The following JAKMIP1 variants were observed in gnomAD, a reference collection of about 807,000 sequenced individuals.
JAKMIP1 encodes the protein janus kinase and microtubule-interacting protein 1.
Under a neutral mutation model 113.0 loss-of-function variants are expected in JAKMIP1, and 33 were observed. That is an observed-to-expected ratio of 0.29 (90% CI 0.22 to 0.39). The LOEUF (loss-of-function observed/expected upper bound fraction) is 0.39, where lower values mean the gene tolerates loss of function less well. Ranked by LOEUF, JAKMIP1 falls within the 10% of genes least tolerant of loss-of-function variation. The pLI is 1.00. For missense variants in JAKMIP1, 813 were observed against 1,080.5 expected (o/e 0.75, Z 3.47); for synonymous variants, 480 against 459.9 (o/e 1.04, Z -0.56).
At chr4:6,084,748 G>A in intron 5 of JAKMIP1, 98 bp downstream of exon 5, 5 of 1,225,850 alleles carry the variant, frequency 4.1e-6, no homozygotes, top group Non-Finnish European at 5.5e-6. Context: ...AGAACCAGAA[G>A]GCTTCTGCAT....
chr4:6,140,369 C>A lies in JAKMIP1; in HGVS notation c.-147-27372G>T, dbSNP rs372208015. 6.6e-6 allele frequency among the ~76,000 whole-genome samples: 1 copy of A among 151,738 alleles called. No homozygotes were observed. The highest frequency in any genetic ancestry group is 1.5e-5 in the Non-Finnish European group (1 of 68,000). On this transcript the variant is annotated intron_variant, in intron 1 of 20. Coordinates refer to ENST00000409021, the MANE Select transcript of JAKMIP1 (RefSeq NM_001099433.2). The surrounding 1 kb of genome is among the most constrained non-coding windows in gnomAD (Gnocchi z 9.4). ...GCCGACCATAAATCCCCCCACGTGG[C>A]GAGGCTGGCTCAGCAGGAGCACTGT... is the stretch of plus-strand genomic sequence containing the variant.
intron 2 of JAKMIP1, among the ~76,000 whole-genome samples, chr4:6,111,781 G>T (rs1714976124): frequency 6.6e-6 from 1 of 152,204 alleles, no homozygotes; most frequent in African/African-American, 2.4e-5. Flanking sequence ...TGCCTTAGGA[G>T]AGAGGAAAGT....
At chr4:6,163,458 C>T (rs543976772) in intron 1 of JAKMIP1, among the ~76,000 whole-genome samples, 61 of 152,324 alleles carry the variant, frequency 4.0e-4, no homozygotes, top group African/African-American at 1.3e-3. Flanking sequence ...TATATGCTGA[C>T]CACTCCACTG....
intron 19 of JAKMIP1, among the ~76,000 whole-genome samples, chr4:6,030,983 TTTA>T (rs1712571973): frequency 6.6e-6 from 1 of 152,196 alleles, no homozygotes; most frequent in African/African-American, 2.4e-5. Flanking sequence ...TGTGGGCACA[TTTA>T]GTCACTCAGT....
At position 6,181,148 on chromosome 4, in the gene JAKMIP1, G is replaced by A. The variant is rs1373850486; in HGVS notation, c.-148+19105C>T. Among the ~76,000 whole-genome samples, 1 of 152,050 alleles carries A rather than the reference G, an allele frequency of 6.6e-6. No homozygotes were observed. The highest frequency in any genetic ancestry group is 2.4e-5 in the African/African-American group (1 of 41,392). ...TCACCACCCCGTGTGGGCTTGATAT[G>A]ACTAGATGCTGAACAGGGCGCTCCT... is the stretch of plus-strand genomic sequence containing the variant. On this transcript the variant is annotated intron_variant, in intron 1 of 20. Transcript: ENST00000409021. The surrounding 1 kb of genome is among the most constrained non-coding windows in gnomAD (Gnocchi z 5.4).
chr4:6,125,902 C>CACACACACCATACACACCATGTAGAA (rs759640922), intron 1 of JAKMIP1, among the ~76,000 whole-genome samples: 22,100 of 24,872 alleles, frequency 0.89, 10,285 homozygotes, highest in Non-Finnish European at 0.94. Flanking sequence ...CAGAAACACA[C>CACACACACCATACACACCATGTAGAA]ACACACACCA....
intron 19 of JAKMIP1, among the ~76,000 whole-genome samples, chr4:6,030,359 C>A (rs540077889): frequency 6.6e-6 from 1 of 152,236 alleles, no homozygotes; most frequent in African/African-American, 2.4e-5. Flanking sequence ...ACCGACAGAC[C>A]CGGTTTGCCC....
intron 19 of JAKMIP1, among the ~76,000 whole-genome samples, chr4:6,033,001 C>A (rs964868627): frequency 6.6e-6 from 1 of 152,260 alleles, no homozygotes; most frequent in Non-Finnish European, 1.5e-5. Flanking sequence ...ACCAGTGCTA[C>A]TGAACCCTCA....
At chr4:6,102,478 G>C (rs1404999917) in intron 3 of JAKMIP1, among the ~76,000 whole-genome samples, 1 of 150,692 alleles carries the variant, frequency 6.6e-6, no homozygotes, top group Non-Finnish European at 1.5e-5. Flanking sequence ...TGCCATGTGA[G>C]GACATGGCAT....
At chr4:6,145,493 A>G (rs201090034) in intron 1 of JAKMIP1, among the ~76,000 whole-genome samples, 3 of 428 alleles carry the variant, frequency 7.0e-3, no homozygotes, top group African/African-American at 7.2e-3. Flanking sequence ...ATCCATACCT[A>G]AAAAAAAAAA....
In JAKMIP1 at chr4:6,192,253, A is replaced by G. The variant is rs187161090; in HGVS notation, c.-148+8000T>C. Among the ~76,000 whole-genome samples, 132 of 152,254 alleles carry G rather than the reference A, an allele frequency of 8.7e-4. No individual in the cohort carries two copies. The highest frequency in any genetic ancestry group is 3.0e-3 in the African/African-American group (123 of 41,558). On this transcript the variant is annotated intron_variant, in intron 1 of 20. Transcript: ENST00000409021. The surrounding 1 kb of genome is among the most constrained non-coding windows in gnomAD (Gnocchi z 5.0). Reference sequence around the variant, plus strand: ...TGGCCAGGGTGTATTTTTCACTCACAGTCCATCTCAGTCCACAGGAGCCGC... The same window carrying G: ...TGGCCAGGGTGTATTTTTCACTCACGGTCCATCTCAGTCCACAGGAGCCGC...
chr4:6,078,324 A>C (rs1719980644), intron 8 of JAKMIP1, among the ~76,000 whole-genome samples: 1 of 144,080 alleles, frequency 6.9e-6, no homozygotes, highest in South Asian at 2.2e-4. Flanking sequence ...AAAAAAAAAA[A>C]ACAAAAAAAA....
rs1350053878 is a variant in JAKMIP1, at chr4:6,194,646, C to G, written c.-148+5607G>C. 1.3e-5 allele frequency: 2 copies of G among 152,392 alleles called. No individual in the cohort carries two copies. Among genetic ancestry groups the G allele is most frequent in the Admixed American group, 1.3e-4 (2 of 15,282 alleles). 9.4% of individuals were successfully genotyped at this position (152,392 alleles called of 1,614,324 possible). ...GCCAAGGGAGAAGCTCAGAGGCCAG[C>G]ACACCGAGCCAGCGCCTCCCTCTGA... On this transcript the variant is annotated intron_variant, in intron 1 of 20. Coordinates refer to ENST00000409021, the MANE Select transcript of JAKMIP1 (RefSeq NM_001099433.2). This position sits in a 1 kb window ranked among gnomAD's most constrained non-coding sequence, Gnocchi z 7.4.
Position 6,194,476 on chromosome 4 carries a change from T to C in JAKMIP1, c.-148+5777A>G, listed in dbSNP as rs1349015749. 1 of 151,866 alleles carries C rather than the reference T, an allele frequency of 6.6e-6. No homozygotes were observed. The highest frequency in any genetic ancestry group is 1.5e-5 in the Non-Finnish European group (1 of 68,028). The allele number at this position is 151,866 out of a possible 1,614,324, so 9.4% of individuals were successfully genotyped here. On this transcript the variant is annotated intron_variant, in intron 1 of 20. Transcript: ENST00000409021. The surrounding 1 kb of genome is among the most constrained non-coding windows in gnomAD (Gnocchi z 7.4). ...CAGAAGCTCCAAGGGTAAAAGATAG[T>C]GGAAAGCTACTTACCAGCTCACTCC...
intron 20 of JAKMIP1, among the ~76,000 whole-genome samples, chr4:6,028,153 G>GAGGAGGGCCTACCTGGGCAAGGCCAA (rs1712104778): frequency 6.6e-6 from 1 of 152,250 alleles, no homozygotes; most frequent in Non-Finnish European, 1.5e-5. Flanking sequence ...GGCAAGGCCA[G>GAGGAGGGCCTACCTGGGCAAGGCCAA]AGGAGAGCCC....
In JAKMIP1 at chr4:6,140,716, C is replaced by G. The variant is rs1249646065; in HGVS notation, c.-147-27719G>C. ...ATGCTTTTACCTGGAAAAGGGATGA[C>G]AAAGTATCCCAGATAACTTGGTAGA... is the stretch of plus-strand genomic sequence containing the variant. On this transcript the variant is annotated intron_variant, in intron 1 of 20. Coordinates refer to ENST00000409021, the MANE Select transcript of JAKMIP1 (RefSeq NM_001099433.2). The surrounding 1 kb of genome is among the most constrained non-coding windows in gnomAD (Gnocchi z 9.4). 1.3e-5 allele frequency among the ~76,000 whole-genome samples: 2 copies of G among 152,146 alleles called. No homozygotes were observed. Among genetic ancestry groups the G allele is most frequent in the East Asian group, 3.8e-4 (2 of 5,200 alleles).
At chr4:6,026,866 A>ATTTTTT (rs370379960) in intron 20 of JAKMIP1, among the ~76,000 whole-genome samples, 28 of 140,688 alleles carry the variant, frequency 2.0e-4, no homozygotes, top group Non-Finnish European at 3.5e-4. Context: ...ATTTCTTTGC[A>ATTTTTT]TTTTTTTTTT....
chr4:6,151,111 G>A (rs933499389), intron 1 of JAKMIP1, among the ~76,000 whole-genome samples: 1 of 152,138 alleles, frequency 6.6e-6, no homozygotes, highest in Non-Finnish European at 1.5e-5. Context: ...TGGCATTCAA[G>A]CTCCTGAGCT....
intron 3 of JAKMIP1, among the ~76,000 whole-genome samples, chr4:6,104,917 T>C (rs986912642): frequency 3.3e-5 from 5 of 152,176 alleles, no homozygotes; most frequent in Non-Finnish European, 5.9e-5. Context: ...TCTGAGGACA[T>C]CCAATCCTCA....
Sources: allele counts gnomAD v4.1 joint callset (sites outside exome capture counted in the v4.1 genomes callset), GRCh38; gene constraint gnomAD v4.1.1; non-coding constraint Gnocchi (gnomAD v3.1); transcripts MANE v1.5; gene names NCBI Gene and HGNC (gene_info 2026-07-23, HGNC 2026-07-21).